TNRC6B: variants seen among roughly 807,000 people sequenced by gnomAD.
TNRC6B encodes trinucleotide repeat-containing gene 6B protein.
A neutral mutation model predicts 203.6 loss-of-function variants in TNRC6B; 52 were observed. That is an observed-to-expected ratio of 0.26 (90% CI 0.20 to 0.32). The LOEUF (loss-of-function observed/expected upper bound fraction) is 0.32, where lower values mean the gene tolerates loss of function less well. TNRC6B is among the 10% of genes least tolerant of loss of function. The pLI is 1.00. For synonymous variants in TNRC6B, 838 were observed against 845.7 expected (o/e 0.99, Z 0.16); for missense variants, 1,923 against 2,286.2 (o/e 0.84, Z 3.24).
chr22:40,134,805 A>G (rs1260469585), intron 3 of TNRC6B, among the ~76,000 whole-genome samples: 1 of 152,264 alleles, frequency 6.6e-6, no homozygotes, highest in Non-Finnish European at 1.5e-5. Context: ...GCATCCGGAT[A>G]AATGGACTAT....
At chr22:40,317,593 C>T (rs1158847734) in intron 21 of TNRC6B, among the ~76,000 whole-genome samples, 1 of 152,068 alleles carries the variant, frequency 6.6e-6, no homozygotes, top group Non-Finnish European at 1.5e-5. Flanking sequence ...TAAAAAAAAG[C>T]TACATGGGTG....
chr22:40,285,624 C>A (rs745771892), intron 11 of TNRC6B, 21 bp from the exon 12 acceptor site: 1 of 1,603,140 alleles, frequency 6.2e-7, no homozygotes, highest in Non-Finnish European at 8.5e-7. Context: ...AAAAGCCTTA[C>A]TGCTGCTTTT....
intron 6 of TNRC6B, among the ~76,000 whole-genome samples, chr22:40,273,012 CATTGT>C (rs1462288726): frequency 1.3e-5 from 2 of 152,152 alleles, no homozygotes; most frequent in Non-Finnish European, 2.9e-5. Flanking sequence ...TTATAGTGTC[CATTGT>C]ATATAAAGTA....
intron 1 of TNRC6B, among the ~76,000 whole-genome samples, chr22:40,221,286 G>A (rs994370153): frequency 5.3e-5 from 8 of 152,062 alleles, no homozygotes; most frequent in African/African-American, 1.2e-4. Context: ...GATAGATCTC[G>A]ACTGTCTAGC....
intron 16 of TNRC6B, 113 bp from the exon 17 acceptor site, chr22:40,310,704 T>C: frequency 9.3e-7 from 1 of 1,077,940 alleles, no homozygotes; most frequent in Non-Finnish European, 1.3e-6. Flanking sequence ...CCAGTGCTGT[T>C]TGTATATACT....
chr22:40,123,436 G>A (rs2068461892), intron 2 of TNRC6B, among the ~76,000 whole-genome samples: 3 of 152,338 alleles, frequency 2.0e-5, no homozygotes, highest in Admixed American at 1.3e-4. Flanking sequence ...GGAGAAGCCA[G>A]CAAGTTGAGA....
At chr22:40,318,791 C>T (rs1224993125) in intron 21 of TNRC6B, among the ~76,000 whole-genome samples, 2 of 152,122 alleles carry the variant, frequency 1.3e-5, no homozygotes, top group African/African-American at 4.8e-5. Flanking sequence ...AAATGCTGGC[C>T]AGATGTGGTG....
At chr22:40,048,266 G>T (rs1032733888) in intron 1 of TNRC6B, among the ~76,000 whole-genome samples, 1 of 152,194 alleles carries the variant, frequency 6.6e-6, no homozygotes, top group Non-Finnish European at 1.5e-5. Context: ...TTGGCCGGGC[G>T]TGGTGGCTCA....
chr22:40,313,008 G>A lies in TNRC6B; in HGVS notation c.4678+11G>A, dbSNP rs1323714100. On this transcript the variant is annotated intron_variant, in intron 19 of 22. Coordinates refer to ENST00000454349, the MANE Select transcript of TNRC6B (RefSeq NM_001162501.2). Reference sequence around the variant, plus strand: ...TTCATAGCACTTCAGGTATGAGTGTGAATTTTTTGTTTCCCTTTGGTTAGC... The same window carrying A: ...TTCATAGCACTTCAGGTATGAGTGTAAATTTTTTGTTTCCCTTTGGTTAGC... 6.2e-7 allele frequency: 1 copy of A among 1,608,228 alleles called. No individual in the cohort carries two copies. Among genetic ancestry groups the A allele is most frequent in the Non-Finnish European group, 8.5e-7 (1 of 1,175,914 alleles).
chr22:40,097,085 G>A (rs2068191642), intron 1 of TNRC6B, among the ~76,000 whole-genome samples: 1 of 152,182 alleles, frequency 6.6e-6, no homozygotes, highest in East Asian at 1.9e-4. Context: ...GGTGTCAGGT[G>A]GCATAGCTGA....
Position 40,266,708 on chromosome 22 carries a change from A to T in TNRC6B, c.2478A>T (p.Pro826=). The T allele has an allele frequency of 1.2e-6, 2 of 1,613,930 alleles. No individual in the cohort carries two copies. The highest frequency in any genetic ancestry group is 2.2e-5 in the South Asian group (2 of 91,068). Residue 826 remains proline, a synonymous_variant, in exon 5 of 23, where the codon CCA becomes CCT. Transcript: ENST00000454349. ...WNKQHQQQQP[P]QQPPPPQPEA... Reference sequence around the variant, plus strand: ...AACAACACCAACAGCAGCAGCCCCCACAGCAGCCGCCGCCACCACAACCAG... The same window carrying T: ...AACAACACCAACAGCAGCAGCCCCCTCAGCAGCCGCCGCCACCACAACCAG...
intron 1 of TNRC6B, among the ~76,000 whole-genome samples, chr22:40,193,865 AAAAG>A (rs148335731): frequency 0.1 from 15,323 of 152,144 alleles, 918 homozygotes; most frequent in South Asian, 0.15. Flanking sequence ...CTCCAAAAAA[AAAAG>A]AAAGACTGCA....
Position 40,045,354 on chromosome 22 carries a change from G to A in TNRC6B, c.-121+356G>A, listed in dbSNP as rs1352266727. 9 of 148,340 alleles carry A rather than the reference G, an allele frequency of 6.1e-5. No individual in the cohort carries two copies. In the East Asian group the frequency reaches 1.8e-3, roughly 30 times the overall value. The allele number at this position is 148,340 out of a possible 1,614,324, so 9.2% of individuals were successfully genotyped here. ...GCCGGGCAGGCACTGGCGGGCGCGC[G>A]CGCGGCTCCGGGCGTCACGCGCCAG... is the stretch of plus-strand genomic sequence containing the variant. On this transcript the variant is annotated intron_variant, in intron 1 of 23. Coordinates refer to the TNRC6B transcript ENST00000301923.
chr22:40,103,718 C>T (rs1487393148), intron 1 of TNRC6B, among the ~76,000 whole-genome samples: 1 of 151,934 alleles, frequency 6.6e-6, no homozygotes, highest in African/African-American at 2.4e-5. Context: ...TCTTGGCTTC[C>T]TGCAACCTCT....
Position 40,264,937 on chromosome 22 carries a change from C to T in TNRC6B, c.707C>T (p.Thr236Ile). ...SEKSTLPGST[T>I]SNKGKGSQCQ... The stretch of plus-strand genomic sequence containing the variant: ...AAGAGCACTCTGCCAGGAAGCACCA[C>T]TAGTAACAAAGGAAAAGGGAGCCAG... The change falls in exon 5 of 23, where the codon ACT (threonine) becomes ATT (isoleucine). Residue 236 changes from threonine to isoleucine, a missense_variant. Transcript: ENST00000454349. 6.2e-7 allele frequency: 1 copy of T among 1,613,886 alleles called. No individual in the cohort carries two copies. The highest frequency in any genetic ancestry group is 2.2e-5 in the East Asian group (1 of 44,886).
Position 40,109,755 on chromosome 22 carries a change from G to T in TNRC6B, c.-120-7300G>T, listed in dbSNP as rs6001772. On this transcript the variant is annotated intron_variant, in intron 1 of 23. Transcript: ENST00000301923. ...CCTGTCAGTTCCAGCTGGAATCCCA[G>T]TTTCTCTCTGAAGGCGGCACAGGTT... 4.9e-3 allele frequency among the ~76,000 whole-genome samples: 752 copies of T among 152,312 alleles called. 8 individuals are homozygous for T. The highest frequency in any genetic ancestry group is 0.017 in the Middle Eastern group (5 of 294).
intron 1 of TNRC6B, among the ~76,000 whole-genome samples, chr22:40,050,832 T>G (rs1051332115): frequency 6.6e-6 from 1 of 151,666 alleles, no homozygotes; most frequent in Non-Finnish European, 1.5e-5. Context: ...TTTTGGGTTT[T>G]TTTTTTTTTT....
intron 1 of TNRC6B, among the ~76,000 whole-genome samples, chr22:40,229,370 A>T (rs1365867279): frequency 6.6e-6 from 1 of 152,110 alleles, no homozygotes; most frequent in African/African-American, 2.4e-5. Flanking sequence ...TGATAAAGGG[A>T]TCTCACTTAC....
intron 1 of TNRC6B, among the ~76,000 whole-genome samples, chr22:40,109,421 C>T (rs996219286): frequency 2.6e-5 from 4 of 152,286 alleles, no homozygotes; most frequent in African/African-American, 7.2e-5. Flanking sequence ...GCGTTCTTAT[C>T]TCTCTGCAGC....
Sources: allele counts gnomAD v4.1 joint callset (sites outside exome capture counted in the v4.1 genomes callset), GRCh38; gene constraint gnomAD v4.1.1; transcripts MANE v1.5; gene names NCBI Gene and HGNC (gene_info 2026-07-23, HGNC 2026-07-21).